SHCBP1L: variants seen among roughly 807,000 people sequenced by gnomAD.
The protein encoded by SHCBP1L is SHC binding and spindle associated 1 like, also known as testicular spindle-associated protein SHCBP1L.
A neutral mutation model predicts 62.5 loss-of-function variants in SHCBP1L; 67 were observed. That is an observed-to-expected ratio of 1.07 (90% confidence interval 0.88 to 1.31). SHCBP1L has a LOEUF of 1.31. Ranked by LOEUF, SHCBP1L falls within the 40% of genes most tolerant of loss-of-function variation. The probability of loss-of-function intolerance (pLI) is 0.00; values close to 1 mark genes in which losing one functional copy is unlikely to be tolerated. For synonymous variants in SHCBP1L, 284 were observed against 289.4 expected, an observed-to-expected ratio of 0.98 and a Z score of 0.19; for missense variants, 823 against 809.8, an observed-to-expected ratio of 1.02 and a Z score of -0.20.
At chr1:182,936,137 T>G (rs1238623179) in intron 5 of SHCBP1L, among the ~76,000 whole-genome samples, 39 of 139,514 alleles carry the variant, frequency 2.8e-4, no homozygotes, top group African/African-American at 5.7e-4. Context: ...TTTGTTTTTT[T>G]TTTTTTTTTT....
chr1:182,903,598 T>C (rs1649909781), intron 8 of SHCBP1L, among the ~76,000 whole-genome samples: 1 of 152,182 alleles, frequency 6.6e-6, no homozygotes, highest in Non-Finnish European at 1.5e-5. Flanking sequence ...TCTCATTCAG[T>C]TCTCCAGTCC....
chr1:182,909,392 C>T (rs548160045), intron 6 of SHCBP1L, among the ~76,000 whole-genome samples: 8 of 152,088 alleles, frequency 5.3e-5, no homozygotes, highest in Non-Finnish European at 1.0e-4. Context: ...GGAAAGATAG[C>T]AACCTAGAAC....
intron 5 of SHCBP1L, 30 bp downstream of exon 5, chr1:182,939,145 TG>T: frequency 6.5e-7 from 1 of 1,531,176 alleles, no homozygotes; most frequent in Non-Finnish European, 8.9e-7. Context: ...TGTAAACTTT[TG>T]CTTCTATTTG....
intron 6 of SHCBP1L, among the ~76,000 whole-genome samples, chr1:182,924,915 A>AAAAG (rs1650670189): frequency 1.1e-5 from 1 of 89,290 alleles, no homozygotes; most frequent in Non-Finnish European, 2.2e-5. Context: ...GAAAGAAAGG[A>AAAAG]AAGGAAGGAA....
chr1:182,949,933 C>A (rs1197941028), intron 2 of SHCBP1L, among the ~76,000 whole-genome samples: 1 of 151,124 alleles, frequency 6.6e-6, no homozygotes. Context: ...TCCTGAGTAG[C>A]TGGGACCACA....
chr1:182,926,746 G>A (rs1650762438), intron 6 of SHCBP1L, among the ~76,000 whole-genome samples: 1 of 151,962 alleles, frequency 6.6e-6, no homozygotes, highest in Admixed American at 6.6e-5. Context: ...GAATACCACT[G>A]TTTCTCCTAG....
At chr1:182,928,344 C>G (rs2101940787) in intron 6 of SHCBP1L, among the ~76,000 whole-genome samples, 1 of 152,230 alleles carries the variant, frequency 6.6e-6, no homozygotes, top group East Asian at 1.9e-4. Flanking sequence ...GGTAAATACT[C>G]TTTGCTCTCA....
chr1:182,935,021 A>G (rs1651121755), intron 5 of SHCBP1L, among the ~76,000 whole-genome samples: 1 of 151,630 alleles, frequency 6.6e-6, no homozygotes, highest in African/African-American at 2.4e-5. Flanking sequence ...CTATTTATGG[A>G]CTCTATTTCC....
chr1:182,900,081 T>C lies in SHCBP1L; in HGVS notation c.1864A>G (p.Lys622Glu), dbSNP rs1649778408. The change falls in exon 10 of 10, where the codon AAA becomes GAA. Residue 622 changes from lysine to glutamate, a missense_variant. Coordinates refer to ENST00000367547, the MANE Select transcript of SHCBP1L (RefSeq NM_030933.4). ...RASSGDKKDD[K>E]MLFKVMQNLN... ...TTTTGCATTACTTTGAAGAGCATTT[T>C]ATCATCTTTTTTATCTCCTGAAGAA... 2 of 1,613,072 alleles carry C rather than the reference T, an allele frequency of 1.2e-6. No homozygotes were observed. The highest frequency in any genetic ancestry group is 1.3e-5 in the African/African-American group (1 of 75,042).
At chr1:182,918,199 T>C (rs921872066) in intron 6 of SHCBP1L, among the ~76,000 whole-genome samples, 2 of 147,422 alleles carry the variant, frequency 1.4e-5, no homozygotes, top group Non-Finnish European at 3.0e-5. Context: ...CACATATATA[T>C]ACATATATAT....
chr1:182,907,404 G>C (rs767735457), intron 6 of SHCBP1L, among the ~76,000 whole-genome samples: 2 of 145,330 alleles, frequency 1.4e-5, no homozygotes, highest in African/African-American at 2.6e-5. Flanking sequence ...TTGCACTCCA[G>C]CCTGGGCAAC....
intron 5 of SHCBP1L, among the ~76,000 whole-genome samples, chr1:182,930,047 G>A (rs999575699): frequency 6.6e-6 from 1 of 152,120 alleles, no homozygotes; most frequent in Non-Finnish European, 1.5e-5. Context: ...CAATACAGTA[G>A]AAAAATTTCC....
intron 5 of SHCBP1L, among the ~76,000 whole-genome samples, chr1:182,936,770 C>T (rs993960310): frequency 6.6e-6 from 1 of 152,026 alleles, no homozygotes; most frequent in Non-Finnish European, 1.5e-5. Flanking sequence ...AAAATAGAGG[C>T]TGGACACAGT....
rs1375665384 is a variant in SHCBP1L, at chr1:182,953,094, A to G, written c.40T>C (p.Phe14Leu). ...GSKASVPADS[F>L]RTISPDRRGE... Reference sequence around the variant, plus strand: ...CGCCTGTCCGGGCTGATGGTGCGGAATGAGTCCGCGGGCACCGAGGCCTTG... The same window carrying G: ...CGCCTGTCCGGGCTGATGGTGCGGAGTGAGTCCGCGGGCACCGAGGCCTTG... Residue 14 changes from phenylalanine to leucine, a missense_variant, in exon 1 of 10, where the codon TTC becomes CTC. Physicochemically the swap from Phe to Leu is conservative, Grantham distance 22. Transcript: ENST00000367547. 1 of 1,570,220 alleles carries G rather than the reference A, an allele frequency of 6.4e-7. No individual in the cohort carries two copies. The highest frequency in any genetic ancestry group is 2.3e-5 in the East Asian group (1 of 43,402).
intron 6 of SHCBP1L, among the ~76,000 whole-genome samples, chr1:182,917,397 C>CTATG (rs945847577): frequency 2.2e-4 from 34 of 152,232 alleles, no homozygotes; most frequent in African/African-American, 8.2e-4. Flanking sequence ...GCAGAAAAAG[C>CTATG]TATGCCCAGC....
intron 9 of SHCBP1L, 110 bp downstream of exon 9, chr1:182,902,929 C>T: frequency 1.3e-6 from 1 of 752,402 alleles, no homozygotes; most frequent in Non-Finnish European, 1.9e-6. Flanking sequence ...TATTCTTTTC[C>T]AAATCAATGA....
intron 5 of SHCBP1L, among the ~76,000 whole-genome samples, chr1:182,931,943 A>G (rs1199130648): frequency 1.4e-5 from 1 of 69,652 alleles, no homozygotes; most frequent in Admixed American, 1.7e-4. Context: ...GGAACCACTG[A>G]TTTTTTTTTT....
intron 7 of SHCBP1L, among the ~76,000 whole-genome samples, chr1:182,904,901 C>A (rs966660216): frequency 1.3e-5 from 2 of 152,050 alleles, no homozygotes; most frequent in Non-Finnish European, 2.9e-5. Flanking sequence ...TGTGTGCCAC[C>A]ACATCCAGCT....
At chr1:182,900,271 T>C (rs749506772) in intron 9 of SHCBP1L, 37 bp from the exon 10 acceptor site, 44 of 1,478,096 alleles carry the variant, frequency 3.0e-5, no homozygotes, top group Non-Finnish European at 3.8e-5. Flanking sequence ...TTTTCAATGA[T>C]TTTATTTAAA....
Sources: gnomAD v4.1 joint callset for allele counts (sites outside exome capture counted in the v4.1 genomes callset) on GRCh38, gnomAD v4.1.1 for gene constraint, MANE v1.5 for transcripts, NCBI Gene and HGNC (gene_info 2026-07-23, HGNC 2026-07-21) for gene names.